NTM: variants seen among roughly 807,000 people sequenced by gnomAD.
NTM encodes IgLON family member 2.
In NTM, 13 loss-of-function variants were observed where a neutral mutation model predicts 42.1. The ratio of observed to expected loss-of-function variants is 0.31; its 90% CI spans 0.20 to 0.49. NTM has a LOEUF of 0.49. NTM is among the 20% of genes least tolerant of loss of function. NTM has a pLI of 0.99. For missense variants in NTM, 373 were observed against 452.8 expected (o/e 0.82, Z 1.60); for synonymous variants, 187 against 179.2 (o/e 1.04, Z -0.35).
chr11:131,552,235 T>C (rs994352636), intron 1 of NTM, among the ~76,000 whole-genome samples: 1 of 152,170 alleles, frequency 6.6e-6, no homozygotes, highest in Non-Finnish European at 1.5e-5. Context: ...ACATCGAGTG[T>C]TGATAACGAC....
chr11:132,160,609 G>A (rs569543611), intron 3 of NTM, among the ~76,000 whole-genome samples: 33 of 152,328 alleles, frequency 2.2e-4, no homozygotes, highest in Non-Finnish European at 2.8e-4. Flanking sequence ...ATATGTGGGC[G>A]GGTGACTGGA....
chr11:132,224,348 C>G (rs555760994), intron 4 of NTM, among the ~76,000 whole-genome samples: 1 of 152,090 alleles, frequency 6.6e-6, no homozygotes, highest in Non-Finnish European at 1.5e-5. Flanking sequence ...CCAGAGAGCC[C>G]AGTGGATGGG....
At chr11:132,175,661 C>T (rs2076700955) in intron 3 of NTM, among the ~76,000 whole-genome samples, 1 of 151,886 alleles carries the variant, frequency 6.6e-6, no homozygotes, top group Non-Finnish European at 1.5e-5. Context: ...AGTCTCGGCT[C>T]ACTGCAAGCT....
At chr11:132,010,884 G>A (rs987560567) in intron 2 of NTM, among the ~76,000 whole-genome samples, 4 of 151,914 alleles carry the variant, frequency 2.6e-5, no homozygotes, top group Admixed American at 6.6e-5. Flanking sequence ...GGTTATATTC[G>A]CAGCTCTTGG....
chr11:131,926,346 G>C (rs2057951463), intron 2 of NTM, among the ~76,000 whole-genome samples: 1 of 152,144 alleles, frequency 6.6e-6, no homozygotes, highest in African/African-American at 2.4e-5. Context: ...ATCACATGGT[G>C]GAAAGTATTG....
At chr11:131,728,589 G>T (rs1029629157) in intron 1 of NTM, among the ~76,000 whole-genome samples, 1 of 152,118 alleles carries the variant, frequency 6.6e-6, no homozygotes, top group Non-Finnish European at 1.5e-5. Flanking sequence ...ACCCATTTAT[G>T]CCAGTGTTCC....
chr11:131,394,568 G>C (rs895630438), intron 1 of NTM, among the ~76,000 whole-genome samples: 1 of 152,130 alleles, frequency 6.6e-6, no homozygotes, highest in Non-Finnish European at 1.5e-5. Context: ...TTATCTGAAC[G>C]AACCTTCCAG....
chr11:131,600,212 T>A (rs2060348214), intron 1 of NTM, among the ~76,000 whole-genome samples: 1 of 152,178 alleles, frequency 6.6e-6, no homozygotes, highest in African/African-American at 2.4e-5. Flanking sequence ...TGCTGTTTAA[T>A]AAATAATAGA....
intron 1 of NTM, among the ~76,000 whole-genome samples, chr11:131,563,706 T>A (rs185325988): frequency 6.6e-6 from 1 of 151,734 alleles, no homozygotes; most frequent in Admixed American, 6.6e-5. Context: ...TCTTAAAAGT[T>A]TCAAACTAAT....
chr11:131,845,523 T>C (rs916005616), intron 1 of NTM, among the ~76,000 whole-genome samples: 1 of 151,982 alleles, frequency 6.6e-6, no homozygotes, highest in African/African-American at 2.4e-5. Context: ...AGAATCTACA[T>C]TTAACCAGAG....
At chr11:132,283,781 A>C (rs115620590) in intron 4 of NTM, among the ~76,000 whole-genome samples, 3,778 of 152,196 alleles carry the variant, frequency 0.025, 138 homozygotes, top group African/African-American at 0.085. Context: ...GGCAAGTCTG[A>C]AATGTGCCCT....
intron 2 of NTM, among the ~76,000 whole-genome samples, chr11:132,042,037 G>T (rs1468421402): frequency 2.0e-5 from 3 of 152,130 alleles, no homozygotes; most frequent in Non-Finnish European, 4.4e-5. Flanking sequence ...TATCCTGAAG[G>T]CCTGGCATTC....
rs61167647 is a variant in NTM, at chr11:131,401,799, A to AAT, written c.82+30972_82+30973dup. Among the ~76,000 whole-genome samples, 92 of 34,952 alleles carry AAT rather than the reference A, an allele frequency of 2.6e-3. 1 individual carries two copies. The highest frequency in any genetic ancestry group is 0.022 in the Middle Eastern group (1 of 46). 22.9% of individuals were successfully genotyped at this position (34,952 alleles called of 152,430 possible). A position where few individuals can be genotyped will look rare whatever the true frequency, so the allele number is the denominator to read the frequency against. ...TCATTATGTGAGTCAGGCCACTGGAAATATATATATATATATATATATATA... is the reference window on the plus strand; with the variant it reads ...TCATTATGTGAGTCAGGCCACTGGAAATATATATATATATATATATATATATA... On this transcript the variant is annotated intron_variant, in intron 1 of 8. Coordinates refer to ENST00000683400, the MANE Select transcript of NTM (RefSeq NM_001352005.2).
At chr11:131,879,640 T>C (rs913653209) in intron 1 of NTM, among the ~76,000 whole-genome samples, 2 of 152,198 alleles carry the variant, frequency 1.3e-5, no homozygotes, top group African/African-American at 4.8e-5. Flanking sequence ...TCAAAACATA[T>C]TAATTTTTTG....
intron 2 of NTM, among the ~76,000 whole-genome samples, chr11:132,065,486 T>C (rs2081302831): frequency 6.6e-6 from 1 of 152,154 alleles, no homozygotes; most frequent in African/African-American, 2.4e-5. Flanking sequence ...TCATATCTTG[T>C]TCATATGATT....
At chr11:131,879,691 CT>C (rs1254065453) in intron 1 of NTM, among the ~76,000 whole-genome samples, 1 of 151,818 alleles carries the variant, frequency 6.6e-6, no homozygotes, top group Non-Finnish European at 1.5e-5. Context: ...TTTTTGTCAC[CT>C]TTGAATCAGA....
intron 4 of NTM, among the ~76,000 whole-genome samples, chr11:132,221,753 T>C (rs1223166042): frequency 2.6e-5 from 4 of 152,198 alleles, no homozygotes; most frequent in African/African-American, 7.2e-5. Context: ...TTAATTCTCA[T>C]GGAGGTCCTA....
chr11:131,769,558 A>G (rs1450363984), intron 1 of NTM: 2 of 966,790 alleles, frequency 2.1e-6, no homozygotes, highest in African/African-American at 1.8e-5. Context: ...GAAGATCAAA[A>G]TATGTGTATC....
chr11:131,928,193 T>A (rs1408003826), intron 2 of NTM, among the ~76,000 whole-genome samples: 2 of 152,104 alleles, frequency 1.3e-5, no homozygotes, highest in Non-Finnish European at 2.9e-5. Context: ...TGATAAATGC[T>A]TTACAAGGGT....
Sources: allele counts gnomAD v4.1 joint callset (sites outside exome capture counted in the v4.1 genomes callset), GRCh38; gene constraint gnomAD v4.1.1; transcripts MANE v1.5; gene names NCBI Gene and HGNC (gene_info 2026-07-23, HGNC 2026-07-21).